AP2B1: variants seen among roughly 807,000 people sequenced by gnomAD.
AP2B1 encodes adaptor related protein complex 2 subunit beta 1, also known as AP-2 complex subunit beta.
In AP2B1, 23 loss-of-function variants were observed where a neutral mutation model predicts 102.0. The ratio of observed to expected loss-of-function variants is 0.23; its 90% CI spans 0.16 to 0.32. The LOEUF is 0.32. Ranked by LOEUF, AP2B1 falls within the 10% of genes least tolerant of loss-of-function variation. The pLI is 1.00. For synonymous variants in AP2B1, 381 were observed against 421.2 expected (o/e 0.90, Z 1.17); for missense variants, 541 against 1,157.4 (o/e 0.47, Z 7.73).
intron 13 of AP2B1, among the ~76,000 whole-genome samples, chr17:35,656,055 T>C (rs2075211005): frequency 6.6e-6 from 1 of 152,246 alleles, no homozygotes. Context: ...GTAGAGAATA[T>C]CTTTTCCCAA....
At chr17:35,664,336 C>G (rs970541005) in intron 14 of AP2B1, among the ~76,000 whole-genome samples, 1 of 152,168 alleles carries the variant, frequency 6.6e-6, no homozygotes, top group Non-Finnish European at 1.5e-5. Context: ...TCACTGCAGC[C>G]TCAAACTCCT....
At chr17:35,665,265 C>G (rs1320687461) in intron 14 of AP2B1, among the ~76,000 whole-genome samples, 1 of 151,094 alleles carries the variant, frequency 6.6e-6, no homozygotes, top group Non-Finnish European at 1.5e-5. Context: ...CTAGCTGGGT[C>G]TACAGGCGCC....
intron 21 of AP2B1, among the ~76,000 whole-genome samples, chr17:35,719,677 T>C (rs371308598): frequency 3.0e-4 from 45 of 152,186 alleles, no homozygotes; most frequent in African/African-American, 1.1e-3. Flanking sequence ...TTGGAAGTAA[T>C]TGTAAATTCA....
intron 7 of AP2B1, 136 bp downstream of exon 7, chr17:35,626,978 T>G (rs1186296958): frequency 3.6e-6 from 3 of 834,986 alleles, no homozygotes; most frequent in South Asian, 1.7e-5. Context: ...AAAAACTTGC[T>G]TGCCTAGCAC....
chr17:35,697,250 A>G (rs2076158579), intron 18 of AP2B1, among the ~76,000 whole-genome samples: 1 of 152,234 alleles, frequency 6.6e-6, no homozygotes, highest in Admixed American at 6.5e-5. Context: ...ATATTAGGAA[A>G]GGCAAGATCA....
chr17:35,650,448 G>A, intron 12 of AP2B1, 82 bp from the exon 13 acceptor site: 1 of 1,498,316 alleles, frequency 6.7e-7, no homozygotes, highest in Non-Finnish European at 9.1e-7. Context: ...CTACAACATT[G>A]GTTGATGATA....
chr17:35,697,667 T>C (rs1598313801), intron 18 of AP2B1, among the ~76,000 whole-genome samples: 1 of 152,184 alleles, frequency 6.6e-6, no homozygotes, highest in Non-Finnish European at 1.5e-5. Context: ...AGGCAAACTT[T>C]AAAAGCAAGT....
At chr17:35,697,000 T>G (rs2076153544) in intron 18 of AP2B1, among the ~76,000 whole-genome samples, 1 of 152,210 alleles carries the variant, frequency 6.6e-6, no homozygotes, top group South Asian at 2.1e-4. Flanking sequence ...ATCAGATTCA[T>G]CTAGTTCTTG....
At chr17:35,620,504 C>T (rs747959495) in intron 5 of AP2B1, among the ~76,000 whole-genome samples, 3 of 152,052 alleles carry the variant, frequency 2.0e-5, no homozygotes, top group Non-Finnish European at 2.9e-5. Flanking sequence ...ATTTTTAAAG[C>T]GAAACTTTCT....
At chr17:35,722,022 C>A (rs1000670605) in intron 21 of AP2B1, among the ~76,000 whole-genome samples, 4 of 152,252 alleles carry the variant, frequency 2.6e-5, no homozygotes, top group Middle Eastern at 3.4e-3. Flanking sequence ...GGGTGGATCA[C>A]CTGAGGTCAA....
At chr17:35,627,084 T>C (rs866991946) in intron 7 of AP2B1, among the ~76,000 whole-genome samples, 11 of 152,156 alleles carry the variant, frequency 7.2e-5, no homozygotes, top group African/African-American at 1.9e-4. Context: ...CTTTCTGATA[T>C]ACTGTCTAGT....
At chr17:35,633,520 T>C (rs1449918001) in intron 9 of AP2B1, among the ~76,000 whole-genome samples, 1 of 152,202 alleles carries the variant, frequency 6.6e-6, no homozygotes. Flanking sequence ...ACAGAAATTT[T>C]CAGGTGTACA....
intron 20 of AP2B1, among the ~76,000 whole-genome samples, chr17:35,711,369 C>T (rs1429834066): frequency 1.3e-5 from 2 of 148,992 alleles, no homozygotes; most frequent in African/African-American, 2.5e-5. Flanking sequence ...GCAGCTGGAG[C>T]ATAGCACTGG....
At chr17:35,685,498 A>G (rs587716857) in intron 18 of AP2B1, among the ~76,000 whole-genome samples, 1 of 152,342 alleles carries the variant, frequency 6.6e-6, no homozygotes, top group East Asian at 1.9e-4. Flanking sequence ...CATGTGGGAA[A>G]ATTAGTATTT....
intron 5 of AP2B1, 149 bp downstream of exon 5, chr17:35,608,536 C>T (rs1189017980): frequency 9.9e-7 from 1 of 1,014,622 alleles, no homozygotes; most frequent in Non-Finnish European, 1.4e-6. Context: ...TTGTATATTT[C>T]ATATCCTAGG....
At chr17:35,661,253 A>G (rs2075352497) in intron 14 of AP2B1, among the ~76,000 whole-genome samples, 1 of 152,178 alleles carries the variant, frequency 6.6e-6, no homozygotes, top group Admixed American at 6.5e-5. Context: ...AAAAAATACT[A>G]TCAATACTTG....
At position 35,676,678 on chromosome 17, in the gene AP2B1, A is replaced by C. The variant is rs149022616; in HGVS notation, c.2324+2357A>C. Among the ~76,000 whole-genome samples the C allele has an allele frequency of 8.5e-5, 13 of 152,370 alleles. No individual in the cohort carries two copies. The East Asian group carries it at 2.3e-3, about 27-fold the overall frequency. ...TAAGCTTGAGAATTCCAGATATTCC[A>C]CATCCTCACCAATTTTAGCCATTCT... On this transcript the variant is annotated intron_variant, in intron 17 of 21. Transcript: ENST00000610402.
At chr17:35,674,051 A>T in intron 16 of AP2B1, 125 bp from the exon 17 acceptor site, 1 of 925,938 alleles carries the variant, frequency 1.1e-6, no homozygotes, top group South Asian at 2.2e-5. Context: ...AAATTACTAT[A>T]ATTGCCTAAG....
At chr17:35,720,301 A>G (rs367902121) in intron 21 of AP2B1, among the ~76,000 whole-genome samples, 26 of 152,112 alleles carry the variant, frequency 1.7e-4, no homozygotes, top group African/African-American at 4.8e-4. Flanking sequence ...ATTAACCCAT[A>G]CATAAACTCC....
Sources: allele counts gnomAD v4.1 joint callset (sites outside exome capture counted in the v4.1 genomes callset), GRCh38; gene constraint gnomAD v4.1.1; transcripts MANE v1.5; gene names NCBI Gene and HGNC (gene_info 2026-07-23, HGNC 2026-07-21).